Variants in AP1AR observed in about 807,000 individuals in gnomAD.
AP1AR encodes AP-1 complex-associated regulatory protein.
Under a neutral mutation model 46.3 loss-of-function variants are expected in AP1AR, and 29 were observed. The ratio of observed to expected loss-of-function variants is 0.63; its 90% CI spans 0.47 to 0.85. AP1AR has a LOEUF of 0.85. AP1AR is among the 40% of genes least tolerant of loss of function. The probability of loss-of-function intolerance (pLI) is 0.00; values close to 1 mark genes in which losing one functional copy is unlikely to be tolerated. For missense variants in AP1AR, 357 were observed against 356.3 expected (o/e 1.00, Z -0.02); for synonymous variants, 122 against 122.9 (o/e 0.99, Z 0.05).
In AP1AR at chr4:112,271,266, C is replaced by T. The variant is rs1726937911; in HGVS notation, c.*2857C>T. 1.3e-5 allele frequency among the ~76,000 whole-genome samples: 2 copies of T among 152,210 alleles called. No individual in the cohort carries two copies. Among genetic ancestry groups the T allele is most frequent in the Non-Finnish European group, 2.9e-5 (2 of 68,036 alleles). ...AGCTGTCAAAGGGCCATTTATCTTG[C>T]AAAATACCTCCCTGTCTTGCAAAAG... On this transcript the variant is annotated 3_prime_UTR_variant, in exon 10 of 10. Coordinates refer to ENST00000274000, the MANE Select transcript of AP1AR (RefSeq NM_018569.6).
rs1304575834 is a variant in AP1AR, at chr4:112,266,851, TTATTG to T, written c.643+141_643+145del. 10 of 770,650 alleles carry T rather than the reference TTATTG, an allele frequency of 1.3e-5. No homozygotes were observed. In the Admixed American group the frequency reaches 1.5e-4, roughly 11 times the overall value. 47.7% of individuals were successfully genotyped at this position (770,650 alleles called of 1,614,324 possible). A position where few individuals can be genotyped will look rare whatever the true frequency, so the allele number is the denominator to read the frequency against. On this transcript the variant is annotated intron_variant, in intron 9 of 9. Coordinates refer to ENST00000274000, the MANE Select transcript of AP1AR (RefSeq NM_018569.6). ...AATCATATAAACACTTTTTAGACCATTATTGTATTGGTGATGATCTCTGTTGATAA... is the reference window on the plus strand; with the variant it reads ...AATCATATAAACACTTTTTAGACCATTATTGGTGATGATCTCTGTTGATAA...
intron 1 of AP1AR, 46 bp from the exon 2 acceptor site, chr4:112,253,150 ATTAATTCAATCT>A: frequency 3.0e-6 from 4 of 1,325,112 alleles, no homozygotes; most frequent in Non-Finnish European, 4.3e-6. Context: ...TATGCTATAT[ATTAATTCAATCT>A]TAGAGTTAAT....
At chr4:112,248,517 TAAAAC>T (rs1021205562) in intron 1 of AP1AR, among the ~76,000 whole-genome samples, 4 of 151,992 alleles carry the variant, frequency 2.6e-5, no homozygotes, top group African/African-American at 4.8e-5. Context: ...CAACAAAAAA[TAAAAC>T]AAAAAGGAGT....
chr4:112,251,331 A>C (rs529009509), intron 1 of AP1AR, among the ~76,000 whole-genome samples: 7 of 152,364 alleles, frequency 4.6e-5, no homozygotes, highest in African/African-American at 1.7e-4. Flanking sequence ...TTTACAACAG[A>C]TAACACTTTT....
At chr4:112,266,547 A>G in intron 8 of AP1AR, 41 bp from the exon 9 acceptor site, 1 of 1,587,544 alleles carries the variant, frequency 6.3e-7, no homozygotes, top group Non-Finnish European at 8.6e-7. Flanking sequence ...GCGGTGGAAG[A>G]GTAGATGAGA....
intron 7 of AP1AR, 131 bp downstream of exon 7, chr4:112,265,198 A>G: frequency 1.6e-6 from 1 of 641,914 alleles, no homozygotes; most frequent in Non-Finnish European, 2.6e-6. Flanking sequence ...TTCCTTCTAA[A>G]AGACATTGTC....
At chr4:112,252,574 A>G (rs1331882115) in intron 1 of AP1AR, among the ~76,000 whole-genome samples, 2 of 152,370 alleles carry the variant, frequency 1.3e-5, no homozygotes, top group Admixed American at 6.5e-5. Context: ...TTGACTACAT[A>G]TAAGTTTAAT....
At chr4:112,248,441 A>G (rs1725812597) in intron 1 of AP1AR, among the ~76,000 whole-genome samples, 1 of 152,216 alleles carries the variant, frequency 6.6e-6, no homozygotes, top group Non-Finnish European at 1.5e-5. Flanking sequence ...AGTTCTTAAT[A>G]CTTTAATTAA....
At position 112,269,403 on chromosome 4, in the gene AP1AR, C is replaced by G. The variant is rs76108307; in HGVS notation, c.*994C>G. The G allele has an allele frequency of 0.026, 3,973 of 152,410 alleles. 174 individuals are homozygous for G. Among genetic ancestry groups the G allele is most frequent in the East Asian group, 0.16 (825 of 5,174 alleles). The allele number at this position is 152,410 out of a possible 1,614,324, so 9.4% of individuals were successfully genotyped here. A position where few individuals can be genotyped will look rare whatever the true frequency, so the allele number is the denominator to read the frequency against. ...GGGATAGAACTAAGCATATCAATAT[C>G]TATAACTGCATTTTGTGCTAGACAA... On this transcript the variant is annotated 3_prime_UTR_variant, in exon 10 of 10. Transcript: ENST00000274000.
At chr4:112,261,666 T>C (rs537488903) in intron 5 of AP1AR, among the ~76,000 whole-genome samples, 1 of 152,192 alleles carries the variant, frequency 6.6e-6, no homozygotes, top group Admixed American at 6.5e-5. Flanking sequence ...TTTTTCTGTT[T>C]AAGACCGGGC....
At position 112,265,598 on chromosome 4, in the gene AP1AR, A is replaced by G. The variant is rs564682074; in HGVS notation, c.441-136A>G. ...AAGAAAATTAAGAACTATTTTCATTAGGTTATTCTAATTGTACAGCAGTTA... is the reference window on the plus strand; with the variant it reads ...AAGAAAATTAAGAACTATTTTCATTGGGTTATTCTAATTGTACAGCAGTTA... On this transcript the variant is annotated intron_variant, in intron 7 of 9. Transcript: ENST00000274000. 11 of 590,026 alleles carry G rather than the reference A, an allele frequency of 1.9e-5. No individual in the cohort carries two copies. In the East Asian group the frequency reaches 3.5e-4, roughly 19 times the overall value. The allele number at this position is 590,026 out of a possible 1,614,324, so 36.5% of individuals were successfully genotyped here.
At position 112,265,734 on chromosome 4, in the gene AP1AR, T is replaced by C. The variant is rs1726674927; in HGVS notation, c.441T>C (p.Ser147=). ...AAAAATTATTTCACTTTTATTACAG[T>C]TCAGGACCAGAAGATGACTTCGAAT... ...YHPSNNGEYQ[S]SGPEDDFESC... Residue 147 remains serine, a splice_region_variant and synonymous_variant, in exon 8 of 10, where the codon AGT becomes AGC. Coordinates refer to ENST00000274000, the MANE Select transcript of AP1AR (RefSeq NM_018569.6). 1 of 1,607,596 alleles carries C rather than the reference T, an allele frequency of 6.2e-7. No homozygotes were observed. Among genetic ancestry groups the C allele is most frequent in the Admixed American group, 1.7e-5 (1 of 59,252 alleles).
chr4:112,245,504 A>G (rs1725691166), intron 1 of AP1AR, among the ~76,000 whole-genome samples: 1 of 152,178 alleles, frequency 6.6e-6, no homozygotes, highest in South Asian at 2.1e-4. Context: ...TTTTTGTACT[A>G]AGTCCTCAAA....
intron 3 of AP1AR, 56 bp downstream of exon 3, chr4:112,254,829 C>A: frequency 3.3e-6 from 3 of 899,604 alleles, no homozygotes; most frequent in South Asian, 2.3e-5. Flanking sequence ...TTAATCGTCT[C>A]ATTAGTTCTA....
At position 112,231,944 on chromosome 4, in the gene AP1AR, C is replaced by T. The variant is rs1209717140; in HGVS notation, c.-148C>T. On this transcript the variant is annotated 5_prime_UTR_variant, in exon 1 of 10. Transcript: ENST00000274000. Reference sequence around the variant, plus strand: ...CCTAGCGCCTCGTCTTTCGTCGCCCCGTGCCCTCACGCCGCCGGGCTCTGG... The same window carrying T: ...CCTAGCGCCTCGTCTTTCGTCGCCCTGTGCCCTCACGCCGCCGGGCTCTGG... The T allele has an allele frequency of 6.7e-6, 4 of 597,592 alleles. No homozygotes were observed. Among genetic ancestry groups the T allele is most frequent in the East Asian group, 6.9e-5 (2 of 28,868 alleles). The allele number at this position is 597,592 out of a possible 1,614,324, so 37.0% of individuals were successfully genotyped here. A position where few individuals can be genotyped will look rare whatever the true frequency, so the allele number is the denominator to read the frequency against.
rs946000459 is a variant in AP1AR, at chr4:112,270,704, A to G, written c.*2295A>G. ...GTTATGTTCTGTGAATAAAAAGACCACTGGGAATGAAGCATCATGAGTGAG... is the reference window on the plus strand; with the variant it reads ...GTTATGTTCTGTGAATAAAAAGACCGCTGGGAATGAAGCATCATGAGTGAG... On this transcript the variant is annotated 3_prime_UTR_variant, in exon 10 of 10. Transcript: ENST00000274000. 6.6e-5 allele frequency among the ~76,000 whole-genome samples: 10 copies of G among 152,166 alleles called. No homozygotes were observed. The highest frequency in any genetic ancestry group is 2.4e-4 in the African/African-American group (10 of 41,448).
chr4:112,264,914 A>G (rs1726609449), intron 6 of AP1AR, 95 bp from the exon 7 acceptor site: 2 of 932,102 alleles, frequency 2.1e-6, no homozygotes, highest in Non-Finnish European at 3.2e-6. Flanking sequence ...TTTTTTAGAA[A>G]CTAGAAAAAA....
intron 2 of AP1AR, among the ~76,000 whole-genome samples, chr4:112,254,236 GA>G (rs1262757366): frequency 6.6e-6 from 1 of 152,182 alleles, no homozygotes; most frequent in Admixed American, 6.5e-5. Context: ...CCTATCTCTA[GA>G]AAGACATTGT....
chr4:112,251,329 A>G (rs1725953382), intron 1 of AP1AR, among the ~76,000 whole-genome samples: 1 of 152,246 alleles, frequency 6.6e-6, no homozygotes, highest in African/African-American at 2.4e-5. Context: ...TATTTACAAC[A>G]GATAACACTT....
Sources: gnomAD v4.1 joint callset for allele counts (sites outside exome capture counted in the v4.1 genomes callset) on GRCh38, gnomAD v4.1.1 for gene constraint, MANE v1.5 for transcripts, NCBI Gene and HGNC (gene_info 2026-07-23, HGNC 2026-07-21) for gene names.